FRMD1: variants seen among roughly 807,000 people sequenced by gnomAD.
The protein encoded by FRMD1 is FERM domain-containing protein 1.
FRMD1 carries 51 observed loss-of-function variants against 54.9 expected under a neutral mutation model. That is an observed-to-expected ratio of 0.93 (90% CI 0.74 to 1.17). FRMD1 has a LOEUF of 1.17. Among genes scored for constraint, FRMD1 ranks in the 50% most tolerant of loss-of-function variants. FRMD1 has a pLI of 0.00. For missense variants in FRMD1, 729 were observed against 743.0 expected (o/e 0.98, Z 0.22); for synonymous variants, 324 against 306.4 (o/e 1.06, Z -0.60).
rs1799625843 is a variant in FRMD1 at position 168,059,925 on chromosome 6, C to T, written c.1343-737G>A. The stretch of plus-strand genomic sequence containing the variant: ...ATGGCTCTGTCTTCTCACTCCTACT[C>T]AACTGAGTATAAAAAGACATGAGTC... On this transcript the variant is annotated intron_variant, in intron 9 of 10. Coordinates refer to ENST00000283309, the MANE Select transcript of FRMD1 (RefSeq NM_024919.6). This position sits in a 1 kb window ranked among gnomAD's most constrained non-coding sequence, Gnocchi z 4.4. 6.6e-6 allele frequency among the ~76,000 whole-genome samples: 1 copy of T among 151,978 alleles called. No homozygotes were observed. The highest frequency in any genetic ancestry group is 1.5e-5 in the Non-Finnish European group (1 of 67,992).
chr6:168,070,127 C>T (rs767752545), intron 2 of FRMD1, among the ~76,000 whole-genome samples: 15 of 151,804 alleles, frequency 9.9e-5, no homozygotes, highest in South Asian at 4.2e-4. Flanking sequence ...AGGAGGCTGA[C>T]GCCAGAGGAT....
chr6:168,056,717 T>G lies in FRMD1; in HGVS notation c.*380A>C. On this transcript the variant is annotated 3_prime_UTR_variant, in exon 11 of 11. Coordinates refer to ENST00000283309, the MANE Select transcript of FRMD1 (RefSeq NM_024919.6). ...TTGGGGAGCTGACAGTGTGGGAAAC[T>G]GCAGAGCTGTCTCTCCAGGGTCTGG... 1 of 171,796 alleles carries G rather than the reference T, an allele frequency of 5.8e-6. No individual in the cohort carries two copies. The highest frequency in any genetic ancestry group is 1.2e-5 in the Non-Finnish European group (1 of 80,736). 10.6% of individuals were successfully genotyped at this position (171,796 alleles called of 1,614,324 possible).
At position 168,056,958 on chromosome 6, in the gene FRMD1, A is replaced by T; in HGVS notation, c.*139T>A. 1.9e-6 allele frequency: 2 copies of T among 1,048,052 alleles called. No individual in the cohort carries two copies. The highest frequency in any genetic ancestry group is 2.6e-6 in the Non-Finnish European group (2 of 774,664). The allele number at this position is 1,048,052 out of a possible 1,614,324, so 64.9% of individuals were successfully genotyped here. A position where few individuals can be genotyped will look rare whatever the true frequency, so the allele number is the denominator to read the frequency against. ...TGTCAGAGCCAGCTCCACACCTCTT[A>T]CAGGTGAACCTGTGGAGCGTGCTGG... On this transcript the variant is annotated 3_prime_UTR_variant, in exon 11 of 11. Transcript: ENST00000283309.
chr6:168,075,982 C>T (rs193292057), intron 1 of FRMD1: 10 of 1,080,954 alleles, frequency 9.3e-6, no homozygotes, highest in Non-Finnish European at 6.6e-6. Flanking sequence ...TTTCCGGCGT[C>T]TCGCATGTGA....
At chr6:168,091,043 G>A (rs2115034291) in intron 1 of FRMD1, among the ~76,000 whole-genome samples, 2 of 152,336 alleles carry the variant, frequency 1.3e-5, no homozygotes, top group Middle Eastern at 3.4e-3. Context: ...TGGGGAGAAG[G>A]TGCCTGTAAA....
In FRMD1 at chr6:168,063,599, A is replaced by G. The variant is rs1304431372; in HGVS notation, c.804+2T>C. The G allele has an allele frequency of 1.2e-6, 2 of 1,609,534 alleles. No individual in the cohort carries two copies. Among genetic ancestry groups the G allele is most frequent in the South Asian group, 2.2e-5 (2 of 90,386 alleles). The stretch of plus-strand genomic sequence containing the variant: ...CCCATCGCTGGCCGCCCTGGGCTCG[A>G]CCTTGTGCAGCCTGAAGAAGTGCAC... On this transcript the variant is annotated splice_donor_variant, in intron 6 of 10. Transcript: ENST00000283309. LOFTEE classifies it high-confidence loss of function.
intron 2 of FRMD1, among the ~76,000 whole-genome samples, chr6:168,070,475 G>A (rs1040612551): frequency 1.3e-5 from 2 of 152,196 alleles, no homozygotes; most frequent in East Asian, 1.9e-4. Flanking sequence ...TTGTCTAGTC[G>A]GTTGGAGGAC....
chr6:168,084,787 A>G (rs142962797), upstream of FRMD1, among the ~76,000 whole-genome samples: 2 of 152,358 alleles, frequency 1.3e-5, no homozygotes, highest in Non-Finnish European at 2.9e-5. Context: ...CTCTGAGACC[A>G]GGACATAGCA....
Position 168,055,025 on chromosome 6 carries a change from C to T in FRMD1, c.*2072G>A, listed in dbSNP as rs1799354301. ...CCAGAGATTAGAGTCTTTGGAGCAG[C>T]CCTACCCGGTAGTTAACAGGCATCT... On this transcript the variant is annotated 3_prime_UTR_variant, in exon 11 of 11. Coordinates refer to ENST00000283309, the MANE Select transcript of FRMD1 (RefSeq NM_024919.6). 1 of 152,294 alleles carries T rather than the reference C, an allele frequency of 6.6e-6. No individual in the cohort carries two copies. The highest frequency in any genetic ancestry group is 6.5e-5 in the Admixed American group (1 of 15,290). The allele number at this position is 152,294 out of a possible 1,614,324, so 9.4% of individuals were successfully genotyped here.
chr6:168,069,442 C>A (rs1052537847), intron 2 of FRMD1, among the ~76,000 whole-genome samples: 6 of 152,244 alleles, frequency 3.9e-5, no homozygotes, highest in Admixed American at 1.3e-4. Flanking sequence ...AGGTCTAGAT[C>A]ACCATTCTCT....
At chr6:168,074,773 C>T (rs1412909682) in intron 2 of FRMD1, among the ~76,000 whole-genome samples, 3 of 89,366 alleles carry the variant, frequency 3.4e-5, no homozygotes, top group Non-Finnish European at 6.8e-5. Context: ...TGCATGTGTA[C>T]ATGTGTGACT....
In FRMD1 at chr6:168,063,233, C is replaced by T. The variant is rs138806037; in HGVS notation, c.805-274G>A. Among the ~76,000 whole-genome samples, 377 of 150,802 alleles carry T rather than the reference C, an allele frequency of 2.5e-3. 4 individuals carry two copies. The highest frequency in any genetic ancestry group is 1.3e-3 in the South Asian group (6 of 4,728). On this transcript the variant is annotated intron_variant, in intron 6 of 10. Transcript: ENST00000283309. Reference sequence around the variant, plus strand: ...CCGGGGTCCTGGTCCCACTCAGCCACGGGGGCTCCATCCATCCCTGCCCTG... The same window carrying T: ...CCGGGGTCCTGGTCCCACTCAGCCATGGGGGCTCCATCCATCCCTGCCCTG...
chr6:168,079,004 T>C lies in FRMD1; in HGVS notation c.91A>G (p.Ser31Gly). Residue 31 changes from serine to glycine, a missense_variant, in exon 1 of 11, where the codon AGT (serine) becomes GGT (glycine). Transcript: ENST00000283309. ...PPSGARCMEPSPERPACSQQE... is the reference protein window; with the variant it reads ...PPSGARCMEPGPERPACSQQE... Reference sequence around the variant, plus strand: ...TGACTGCATGCAGGCCTCTCAGGACTGGGTTCCATACATCGCGCCCCTGAA... The same window carrying C: ...TGACTGCATGCAGGCCTCTCAGGACCGGGTTCCATACATCGCGCCCCTGAA... 1 of 1,612,442 alleles carries C rather than the reference T, an allele frequency of 6.2e-7. No homozygotes were observed. The highest frequency in any genetic ancestry group is 8.5e-7 in the Non-Finnish European group (1 of 1,179,946).
intron 2 of FRMD1, among the ~76,000 whole-genome samples, chr6:168,072,522 G>A (rs147090019): frequency 6.6e-6 from 1 of 152,332 alleles, no homozygotes; most frequent in East Asian, 1.9e-4. Context: ...CCTCAGTGCC[G>A]AGAACTTGGG....
chr6:168,079,062 G>T lies in FRMD1; in HGVS notation c.33C>A (p.Asp11Glu). The change falls in exon 1 of 11, where the codon GAC becomes GAA. Residue 11 changes from aspartate to glutamate, a missense_variant. By Grantham distance (45) the Asp-to-Glu change is conservative. Transcript: ENST00000283309. ...ACGTGTCAGGGTTTGTCCGGGCGGG[G>T]TCTATGCCCCTCCCTCTCGGGGGCA... MAVPPRGRGI[D>E]PARTNPDTFP... The T allele has an allele frequency of 6.2e-7, 1 of 1,609,394 alleles. No homozygotes were observed. The highest frequency in any genetic ancestry group is 8.5e-7 in the Non-Finnish European group (1 of 1,179,766).
rs942675851 is a variant in FRMD1, at chr6:168,057,235, G to A, written c.1512C>T (p.Ser504=). 4 of 1,610,366 alleles carry A rather than the reference G, an allele frequency of 2.5e-6. No individual in the cohort carries two copies. The South Asian group carries it at 4.4e-5, about 18-fold the overall frequency. Reference sequence around the variant, plus strand: ...AGTCCAGGGCGCGGTGGAAGGTATGGCTGAGTGAGGTGGGCGCTGGGTGCA... The same window carrying A: ...AGTCCAGGGCGCGGTGGAAGGTATGACTGAGTGAGGTGGGCGCTGGGTGCA... ...LALHPAPTSL[S]HTFHRALDCR... Residue 504 remains serine (S), a synonymous_variant, in exon 11 of 11, where the codon AGC becomes AGT. Transcript: ENST00000283309.
rs1799419815 is a variant in FRMD1, at chr6:168,056,675, C to A, written c.*422G>T. The A allele has an allele frequency of 1.3e-5, 2 of 158,298 alleles. No individual in the cohort carries two copies. Among genetic ancestry groups the A allele is most frequent in the Non-Finnish European group, 2.8e-5 (2 of 72,228 alleles). The allele number at this position is 158,298 out of a possible 1,614,324, so 9.8% of individuals were successfully genotyped here. ...GGCTTGGGAGCTCTGGCAGCCTGTG[C>A]CCATCAGGACTGTCTCTTGGGGAGC... On this transcript the variant is annotated 3_prime_UTR_variant, in exon 11 of 11. Transcript: ENST00000283309.
Position 168,078,796 on chromosome 6 carries a change from GGCCCTGCTCACCCCCACGGCCACCCGGA to G in FRMD1, c.213+58_213+85del, listed in dbSNP as rs1399314250. The stretch of plus-strand genomic sequence containing the variant: ...CCTGCTCACCCCCACGGCCACCCAG[GGCCCTGCTCACCCCCACGGCCACCCGGA>G]GCCCTGCTCACCCCCACAGCTCTGT... On this transcript the variant is annotated intron_variant, in intron 1 of 10. Coordinates refer to ENST00000283309, the MANE Select transcript of FRMD1 (RefSeq NM_024919.6). 2.7e-3 allele frequency: 797 copies of G among 293,968 alleles called. 4 individuals are homozygous for G. Among genetic ancestry groups the G allele is most frequent in the Middle Eastern group, 0.013 (14 of 1,104 alleles). The allele number at this position is 293,968 out of a possible 1,614,324, so 18.2% of individuals were successfully genotyped here. A position where few individuals can be genotyped will look rare whatever the true frequency, so the allele number is the denominator to read the frequency against.
Position 168,061,034 on chromosome 6 carries a change from A to G in FRMD1, c.1069T>C (p.Tyr357His), listed in dbSNP as rs1257895052. The G allele has an allele frequency of 6.2e-7, 1 of 1,611,808 alleles. No homozygotes were observed. Among genetic ancestry groups the G allele is most frequent in the Admixed American group, 1.7e-5 (1 of 59,882 alleles). Reference protein sequence around the residue: ...AEEKQHYRESYISDELELDLA... With the variant: ...AEEKQHYRESHISDELELDLA... ...TCCAGCTCCAGCTCATCGCTGATAT[A>G]GGACTCCCGGTAGTGCTGCTTCTCT... The change falls in exon 9 of 11, where the codon TAT (tyrosine) becomes CAT (histidine). Residue 357 changes from tyrosine (Y) to histidine (H), a missense_variant. Coordinates refer to ENST00000283309, the MANE Select transcript of FRMD1 (RefSeq NM_024919.6).
Sources: gnomAD v4.1 joint callset for allele counts (sites outside exome capture counted in the v4.1 genomes callset) on GRCh38, gnomAD v4.1.1 for gene constraint, Gnocchi (gnomAD v3.1) non-coding constraint, MANE v1.5 for transcripts, NCBI Gene and HGNC (gene_info 2026-07-23, HGNC 2026-07-21) for gene names.